Variants in ANO5 observed in about 807,000 individuals in gnomAD.
ANO5 encodes the protein anoctamin 5.
ANO5 carries 109 observed loss-of-function variants against 121.0 expected under a neutral mutation model. The ratio of observed to expected loss-of-function variants is 0.90; its 90% CI spans 0.77 to 1.06. The LOEUF (loss-of-function observed/expected upper bound fraction) is 1.06. Ranked by LOEUF, ANO5 falls within the 50% of genes least tolerant of loss-of-function variation. The pLI, the probability that ANO5 is intolerant of heterozygous loss-of-function variation, is 0.00. For synonymous variants in ANO5, 406 were observed against 359.9 expected (o/e 1.13, Z -1.45); for missense variants, 1,064 against 1,078.5 (o/e 0.99, Z 0.19).
chr11:22,255,353 ATATT>A lies in ANO5; in HGVS notation c.1181-11_1181-8del. 1 of 1,545,454 alleles carries A rather than the reference ATATT, an allele frequency of 6.5e-7. No homozygotes were observed. ...AACTTTTTTAATATCTTTTTTTTAT[ATATT>A]TATTTACCTATAGTCACCTTATTTT... On this transcript the variant is annotated splice_polypyrimidine_tract_variant and intron_variant, in intron 12 of 21. Coordinates refer to ENST00000324559, the MANE Select transcript of ANO5 (RefSeq NM_213599.3).
chr11:22,244,981 C>T (rs1329751257), intron 9 of ANO5, among the ~76,000 whole-genome samples: 2 of 152,072 alleles, frequency 1.3e-5, no homozygotes, highest in Non-Finnish European at 2.9e-5. Flanking sequence ...ATCTTTCTTG[C>T]CTGAGAGGGC....
chr11:22,249,092 G>A (rs1853714849), intron 9 of ANO5, among the ~76,000 whole-genome samples: 1 of 151,898 alleles, frequency 6.6e-6, no homozygotes, highest in African/African-American at 2.4e-5. Flanking sequence ...AGTTTATAGT[G>A]ATCTGGAAAA....
intron 2 of ANO5, among the ~76,000 whole-genome samples, chr11:22,210,188 G>A (rs545627198): frequency 2.0e-3 from 301 of 151,754 alleles, no homozygotes; most frequent in African/African-American, 6.5e-3. Context: ...TTTTCCCACC[G>A]GTTTCAGTAT....
Position 22,272,862 on chromosome 11 carries a change from T to C in ANO5, c.2108T>C (p.Val703Ala). The C allele has an allele frequency of 1.2e-6, 2 of 1,614,114 alleles. No homozygotes were observed. Among genetic ancestry groups the C allele is most frequent in the African/African-American group, 1.3e-5 (1 of 75,032 alleles). Residue 703 changes from valine (V) to alanine (A), a missense_variant, in exon 19 of 22, where the codon GTA becomes GCA. Transcript: ENST00000324559. ...APLLALINNI[V>A]EIRVDAWKLT... ...CTTCTTGCTCTCATAAATAATATTG[T>C]AGAGATTCGAGTGGATGCCTGGAAA...
In ANO5 at chr11:22,250,956, C is replaced by A; in HGVS notation, c.1125C>A (p.Ser375=). The A allele has an allele frequency of 6.2e-7, 1 of 1,612,266 alleles. No individual in the cohort carries two copies. Among genetic ancestry groups the A allele is most frequent in the South Asian group, 1.1e-5 (1 of 91,012 alleles). The part of the protein sequence containing the change: ...LNSTCLASKF[S]HLFDNESTVF... ...TGTTATTGTTATTTTTACAGTTCTC[C>A]CATTTGTTTGATAATGAGTCAACAG... Residue 375 remains serine (S), a synonymous_variant, in exon 12 of 22, where the codon TCC becomes TCA. Transcript: ENST00000324559.
chr11:22,243,842 T>C (rs1388562885), intron 9 of ANO5, among the ~76,000 whole-genome samples: 1 of 152,208 alleles, frequency 6.6e-6, no homozygotes, highest in Non-Finnish European at 1.5e-5. Flanking sequence ...CTGTCTTATT[T>C]ATTCTTTTGA....
Position 22,193,357 on chromosome 11 carries a change from G to T in ANO5, c.-136G>T. On this transcript the variant is annotated 5_prime_UTR_variant, in exon 1 of 22. Coordinates refer to ENST00000324559, the MANE Select transcript of ANO5 (RefSeq NM_213599.3). ...AGGAGGCCTGCAGAAGGAAGAGCAG[G>T]CCCTTAGAAGTCCAGCAGCAGCAAC... 6.6e-7 allele frequency: 1 copy of T among 1,522,718 alleles called. No homozygotes were observed. Among genetic ancestry groups the T allele is most frequent in the African/African-American group, 1.4e-5 (1 of 72,730 alleles). The allele number at this position is 1,522,718 out of a possible 1,614,324, so 94.3% of individuals were successfully genotyped here. A position where few individuals can be genotyped will look rare whatever the true frequency, so the allele number is the denominator to read the frequency against.
At chr11:22,237,931 A>T (rs1016531050) in intron 8 of ANO5, among the ~76,000 whole-genome samples, 2 of 152,206 alleles carry the variant, frequency 1.3e-5, no homozygotes, top group Non-Finnish European at 2.9e-5. Flanking sequence ...TATAGCCTAC[A>T]CACATTCTTC....
intron 15 of ANO5, 38 bp from the exon 16 acceptor site, chr11:22,262,091 T>A: frequency 6.2e-7 from 1 of 1,605,324 alleles, no homozygotes; most frequent in Non-Finnish European, 8.5e-7. Context: ...AGGAAAAAAA[T>A]AAGAAGATGC....
intron 3 of ANO5, among the ~76,000 whole-genome samples, chr11:22,212,437 A>G (rs1852312397): frequency 6.6e-6 from 1 of 151,950 alleles, no homozygotes; most frequent in Non-Finnish European, 1.5e-5. Context: ...AATTAGTCTT[A>G]TAATATTTTG....
chr11:22,208,413 A>G (rs1852183425), intron 2 of ANO5, among the ~76,000 whole-genome samples: 1 of 152,178 alleles, frequency 6.6e-6, no homozygotes, highest in Non-Finnish European at 1.5e-5. Context: ...TGCTAAGTGG[A>G]AAAAAATCTT....
At chr11:22,229,225 G>C (rs1032180704) in intron 7 of ANO5, among the ~76,000 whole-genome samples, 5 of 151,806 alleles carry the variant, frequency 3.3e-5, no homozygotes, top group African/African-American at 1.2e-4. Context: ...AATCATCAGG[G>C]TTCTAACAAT....
At chr11:22,222,404 T>C (rs1225945337) in intron 5 of ANO5, among the ~76,000 whole-genome samples, 1 of 151,944 alleles carries the variant, frequency 6.6e-6, no homozygotes, top group Non-Finnish European at 1.5e-5. Flanking sequence ...TTTCCAATAA[T>C]CTTAGCTTCT....
At chr11:22,212,820 GT>G (rs1208909400) in intron 3 of ANO5, among the ~76,000 whole-genome samples, 4,447 of 137,542 alleles carry the variant, frequency 0.032, 221 homozygotes, top group African/African-American at 0.11. Context: ...GTCAGGTTTT[GT>G]TTTTTTTTTT....
intron 3 of ANO5, among the ~76,000 whole-genome samples, chr11:22,214,818 C>G (rs181907521): frequency 6.6e-6 from 1 of 152,062 alleles, no homozygotes; most frequent in Admixed American, 6.6e-5. Context: ...AACGTAATAT[C>G]ACTGGATATG....
intron 9 of ANO5, among the ~76,000 whole-genome samples, chr11:22,249,916 C>A (rs182480629): frequency 6.6e-6 from 1 of 152,178 alleles, no homozygotes; most frequent in East Asian, 1.9e-4. Context: ...CATTTAAATT[C>A]TCTTTATAAT....
At chr11:22,271,606 C>T (rs1854614301) in intron 18 of ANO5, among the ~76,000 whole-genome samples, 1 of 152,082 alleles carries the variant, frequency 6.6e-6, no homozygotes, top group Admixed American at 6.5e-5. Flanking sequence ...GAGATTACTA[C>T]TGAAATTAAA....
At chr11:22,198,449 A>G (rs1216645849) in intron 1 of ANO5, among the ~76,000 whole-genome samples, 1 of 152,246 alleles carries the variant, frequency 6.6e-6, no homozygotes, top group African/African-American at 2.4e-5. Flanking sequence ...AGAGCTAGTA[A>G]TAATAGGAGG....
rs771923550 is a variant in ANO5 at position 22,263,056 on chromosome 11, T to C, written c.1898+13T>C. 6.9e-6 allele frequency: 11 copies of C among 1,584,784 alleles called. No individual in the cohort carries two copies. The highest frequency in any genetic ancestry group is 1.7e-4 in the Middle Eastern group (1 of 6,020). Reference sequence around the variant, plus strand: ...AAGCCATTTATCCGTATGTATGACTTACAAGCTTTTTATTTGATTTAAGTA... The same window carrying C: ...AAGCCATTTATCCGTATGTATGACTCACAAGCTTTTTATTTGATTTAAGTA... On this transcript the variant is annotated intron_variant, in intron 17 of 21. Coordinates refer to ENST00000324559, the MANE Select transcript of ANO5 (RefSeq NM_213599.3).
Sources: gnomAD v4.1 joint callset for allele counts (sites outside exome capture counted in the v4.1 genomes callset) on GRCh38, gnomAD v4.1.1 for gene constraint, MANE v1.5 for transcripts, NCBI Gene and HGNC (gene_info 2026-07-23, HGNC 2026-07-21) for gene names.